The following TACC3 variants were observed in gnomAD, a reference collection of about 807,000 sequenced individuals.
TACC3 encodes transforming acidic coiled-coil-containing protein 3.
TACC3 carries 52 observed loss-of-function variants against 86.0 expected under a neutral mutation model. The observed-to-expected ratio is 0.60, with a 90% CI of 0.48 to 0.76. The LOEUF is 0.76. Among genes scored for constraint, TACC3 ranks in the 30% least tolerant of loss-of-function variants. TACC3 has a pLI of 0.00. For missense variants in TACC3, 1,120 were observed against 1,070.4 expected, an observed-to-expected ratio of 1.05 and a Z score of -0.65; for synonymous variants, 512 against 430.0, an observed-to-expected ratio of 1.19 and a Z score of -2.36.
In TACC3 at chr4:1,735,811, G is replaced by GAT; in HGVS notation, c.1725_1726insAT (p.Pro576IlefsTer59). On this transcript the variant is annotated frameshift_variant, in exon 8 of 16. Coordinates refer to ENST00000313288, the MANE Select transcript of TACC3 (RefSeq NM_006342.3). LOFTEE classifies it high-confidence loss of function. This position sits in a 1 kb window ranked among gnomAD's most constrained non-coding sequence, Gnocchi z 4.2. Reference sequence around the variant, plus strand: ...TGAGGGACAGTCCTGGTAGACCAGTGCCCGTGGCCACCGAGACCAGCAGGT... The same window carrying GAT: ...TGAGGGACAGTCCTGGTAGACCAGTGATCCCGTGGCCACCGAGACCAGCAGGT... The GAT allele has an allele frequency of 6.3e-7, 1 of 1,595,156 alleles. No individual in the cohort carries two copies. The highest frequency in any genetic ancestry group is 8.6e-7 in the Non-Finnish European group (1 of 1,166,790).
chr4:1,723,219 G>C (rs1328868089), intron 1 of TACC3: 1 of 608,540 alleles, frequency 1.6e-6, no homozygotes, highest in Admixed American at 3.1e-5. Context: ...TGCCAGGCTG[G>C]AGAGTGAGTC....
At position 1,740,563 on chromosome 4, in the gene TACC3, G is replaced by A. The variant is rs140263758; in HGVS notation, c.2063-263G>A. 1.9e-3 allele frequency: 826 copies of A among 432,030 alleles called. 4 individuals carry two copies. The highest frequency in any genetic ancestry group is 0.016 in the African/African-American group (775 of 49,594). 26.8% of individuals were successfully genotyped at this position (432,030 alleles called of 1,614,324 possible). ...CCCAGGCCTCACCCTAGGCTCTAGG[G>A]TGTTGGGCGCCGCCTCTTCAGGGAC... On this transcript the variant is annotated intron_variant, in intron 12 of 15. Transcript: ENST00000313288.
Position 1,741,006 on chromosome 4 carries a change from G to T in TACC3, c.2223+20G>T, listed in dbSNP as rs768677399. ...CGCAAGGTATGTCTCCGCCACCCTG[G>T]TGTCCTCACCTCGGAGGCTGATGGA... is the stretch of plus-strand genomic sequence containing the variant. On this transcript the variant is annotated intron_variant, in intron 13 of 15. Transcript: ENST00000313288. 1 of 1,590,952 alleles carries T rather than the reference G, an allele frequency of 6.3e-7. No individual in the cohort carries two copies. The highest frequency in any genetic ancestry group is 1.4e-5 in the African/African-American group (1 of 73,486).
At chr4:1,743,190 A>AG (rs1201482869) in intron 13 of TACC3, among the ~76,000 whole-genome samples, 1 of 143,574 alleles carries the variant, frequency 7.0e-6, no homozygotes, top group Admixed American at 7.2e-5. Context: ...CAGGAGGTGG[A>AG]GGTTGCAATG....
intron 4 of TACC3, 53 bp downstream of exon 4, chr4:1,728,840 G>T: frequency 2.0e-6 from 3 of 1,525,374 alleles, no homozygotes; most frequent in Non-Finnish European, 2.6e-6. Flanking sequence ...GCCCTGCAGT[G>T]TATGTGGTCC....
intron 1 of TACC3, among the ~76,000 whole-genome samples, chr4:1,722,601 C>G (rs1368590248): frequency 6.6e-6 from 1 of 152,234 alleles, no homozygotes; most frequent in Non-Finnish European, 1.5e-5. Context: ...CTTTGCTCTT[C>G]TTCAAATCAA....
rs1459109716 is a variant in TACC3 at position 1,728,073 on chromosome 4, G to A, written c.671G>A (p.Cys224Tyr). The A allele has an allele frequency of 6.5e-7, 1 of 1,542,212 alleles. No homozygotes were observed. Among genetic ancestry groups the A allele is most frequent in the African/African-American group, 1.5e-5 (1 of 66,624 alleles). ...AETPHGAEEE[C>Y]KAETPHGAEE... ...ACTCCGCACGGAGCCGAGGAAGAAT[G>A]CAAAGCGGAGACTCCGCACGGAGCC... Residue 224 changes from cysteine to tyrosine, a missense_variant, in exon 4 of 16, where the codon TGC (cysteine) becomes TAC (tyrosine). Transcript: ENST00000313288.
At chr4:1,730,787 C>G (rs1190282687) in intron 4 of TACC3, 100 bp from the exon 5 acceptor site, 3 of 1,320,976 alleles carry the variant, frequency 2.3e-6, no homozygotes, top group Non-Finnish European at 2.2e-6. Flanking sequence ...GTGGCCGGCA[C>G]AGCAGTGCAG....
In TACC3 at chr4:1,735,876, T is replaced by A; in HGVS notation, c.1748+42T>A. The stretch of plus-strand genomic sequence containing the variant: ...TCCCTCATGCATGAAGCCTTGAGTG[T>A]GGGAAGACTGGAGGCTGTTCCTAGG... On this transcript the variant is annotated intron_variant, in intron 8 of 15. Coordinates refer to ENST00000313288, the MANE Select transcript of TACC3 (RefSeq NM_006342.3). The surrounding 1 kb of genome is among the most constrained non-coding windows in gnomAD (Gnocchi z 4.2). 1 of 1,372,016 alleles carries A rather than the reference T, an allele frequency of 7.3e-7. No homozygotes were observed. The highest frequency in any genetic ancestry group is 1.0e-6 in the Non-Finnish European group (1 of 986,748). The allele number at this position is 1,372,016 out of a possible 1,614,324, so 85.0% of individuals were successfully genotyped here.
chr4:1,737,096 G>A lies in TACC3; in HGVS notation c.1749-145G>A, dbSNP rs574876395. 1.7e-5 allele frequency: 11 copies of A among 648,000 alleles called. No individual in the cohort carries two copies. The Middle Eastern group carries it at 1.7e-3, about 99-fold the overall frequency. The allele number at this position is 648,000 out of a possible 1,614,324, so 40.1% of individuals were successfully genotyped here. On this transcript the variant is annotated intron_variant, in intron 8 of 15. Transcript: ENST00000313288. ...CAGAGAGGCCGGGCATGCTGGATGC[G>A]GGTCTGCGTTTTCTACCACTACCCT...
rs768823917 is a variant in TACC3 at position 1,744,841 on chromosome 4, G to A, written c.2451+9G>A. On this transcript the variant is annotated intron_variant, in intron 15 of 15. Coordinates refer to ENST00000313288, the MANE Select transcript of TACC3 (RefSeq NM_006342.3). ...AGACAGTGGAGCAGAAGGTGGGTGC[G>A]GGAAGCCCAGCTCAAGGGGCCGTCT... The A allele has an allele frequency of 9.3e-6, 15 of 1,612,924 alleles. No homozygotes were observed. Among genetic ancestry groups the A allele is most frequent in the East Asian group, 8.9e-5 (4 of 44,874 alleles).
chr4:1,735,083 C>T lies in TACC3; in HGVS notation c.1592-190C>T, dbSNP rs1718186261. 6.6e-6 allele frequency among the ~76,000 whole-genome samples: 1 copy of T among 152,200 alleles called. No individual in the cohort carries two copies. The highest frequency in any genetic ancestry group is 1.5e-5 in the Non-Finnish European group (1 of 68,022). ...GTGGGTAGAGGCTGGGGATGCCGCT[C>T]AGCACCCTGCGGTGCCCAGGAGGCG... On this transcript the variant is annotated intron_variant, in intron 6 of 15. Coordinates refer to ENST00000313288, the MANE Select transcript of TACC3 (RefSeq NM_006342.3). This position sits in a 1 kb window ranked among gnomAD's most constrained non-coding sequence, Gnocchi z 4.2.
chr4:1,735,210 C>T lies in TACC3; in HGVS notation c.1592-63C>T, dbSNP rs1346036695. ...CCTCACTGAGTGCTGAGGGAGACAC[C>T]AGCCCGCCGCCCTTAGGGCCCTGGT... On this transcript the variant is annotated intron_variant, in intron 6 of 15. Transcript: ENST00000313288. This position sits in a 1 kb window ranked among gnomAD's most constrained non-coding sequence, Gnocchi z 4.2. The T allele has an allele frequency of 1.9e-6, 3 of 1,604,222 alleles. No homozygotes were observed. The highest frequency in any genetic ancestry group is 2.6e-6 in the Non-Finnish European group (3 of 1,172,470).
intron 11 of TACC3, 76 bp downstream of exon 11, chr4:1,739,854 T>A: frequency 5.0e-6 from 4 of 798,894 alleles, no homozygotes; most frequent in Non-Finnish European, 6.9e-6. Flanking sequence ...CTCGCCATCC[T>A]TGTCCCCATC....
At chr4:1,723,193 T>G (rs1254745943) in intron 1 of TACC3, 1 of 576,384 alleles carries the variant, frequency 1.7e-6, no homozygotes, top group Admixed American at 3.3e-5. Context: ...GCAGCAGTGC[T>G]GCCCATGGCT....
rs372087932 is a variant in TACC3 at position 1,731,155 on chromosome 4, T to G, written c.1462-17T>G. On this transcript the variant is annotated splice_polypyrimidine_tract_variant and intron_variant, in intron 5 of 15. Coordinates refer to ENST00000313288, the MANE Select transcript of TACC3 (RefSeq NM_006342.3). The stretch of plus-strand genomic sequence containing the variant: ...CCTTGACTGCACTGCACAGGGTGAC[T>G]CTGCCCTTTCCTCCAGGAGAGAGCC... 1.9e-6 allele frequency: 3 copies of G among 1,613,078 alleles called. No individual in the cohort carries two copies. The highest frequency in any genetic ancestry group is 2.7e-5 in the African/African-American group (2 of 75,054).
At chr4:1,740,575 G>A (rs903538690) in intron 12 of TACC3, 6 of 434,142 alleles carry the variant, frequency 1.4e-5, no homozygotes, top group South Asian at 6.2e-5. Context: ...GTTGGGCGCC[G>A]CCTCTTCAGG....
chr4:1,729,870 CTAGGTAACGGGTGCCTTCCCAAGT>C (rs1418280521), intron 4 of TACC3, among the ~76,000 whole-genome samples: 47 of 152,308 alleles, frequency 3.1e-4, no homozygotes, highest in Non-Finnish European at 5.9e-4. Context: ...CTAGACCAAG[CTAGGTAACGGGTGCCTTCCCAAGT>C]GCTGGTGTTA....
intron 11 of TACC3, 24 bp downstream of exon 11, chr4:1,739,802 CTCCCCGTCCCCA>C: frequency 6.3e-7 from 1 of 1,574,858 alleles, no homozygotes; most frequent in African/African-American, 1.4e-5. Context: ...GTCTCCTGTC[CTCCCCGTCCCCA>C]TCCCCCTCGC....
Sources: gnomAD v4.1 joint callset for allele counts (sites outside exome capture counted in the v4.1 genomes callset) on GRCh38, gnomAD v4.1.1 for gene constraint, Gnocchi (gnomAD v3.1) non-coding constraint, MANE v1.5 for transcripts, NCBI Gene and HGNC (gene_info 2026-07-23, HGNC 2026-07-21) for gene names.